The following MTOR variants were observed in gnomAD, a reference collection of about 807,000 sequenced individuals.
MTOR encodes serine/threonine-protein kinase mTOR.
In MTOR, 70 loss-of-function variants were observed where a neutral mutation model predicts 319.8. The observed-to-expected ratio is 0.22, with a 90% CI of 0.18 to 0.27. MTOR has a LOEUF of 0.27. Ranked by LOEUF, MTOR falls within the 10% of genes least tolerant of loss-of-function variation. The probability of loss-of-function intolerance (pLI) is 1.00; values close to 1 mark genes in which losing one functional copy is unlikely to be tolerated. For synonymous variants in MTOR, 1,183 were observed against 1,211.4 expected (o/e 0.98, Z 0.49); for missense variants, 1,890 against 3,274.4 (o/e 0.58, Z 10.32).
At chr1:11,112,251 G>A (rs939012203) in intron 54 of MTOR, among the ~76,000 whole-genome samples, 1 of 152,174 alleles carries the variant, frequency 6.6e-6, no homozygotes, top group Non-Finnish European at 1.5e-5. Flanking sequence ...TATTATCAAT[G>A]CTTGAGGACC....
intron 11 of MTOR, among the ~76,000 whole-genome samples, chr1:11,239,476 C>T (rs1225091027): frequency 1.3e-5 from 2 of 150,492 alleles, no homozygotes; most frequent in African/African-American, 5.0e-5. Context: ...GCTTGTTTCC[C>T]CACATTCTTG....
intron 28 of MTOR, among the ~76,000 whole-genome samples, chr1:11,184,846 T>C (rs1043301987): frequency 6.6e-6 from 1 of 152,230 alleles, no homozygotes; most frequent in African/African-American, 2.4e-5. Flanking sequence ...TTCCTTCCCA[T>C]GTCTACAGAG....
At chr1:11,179,790 C>G (rs1487016723) in intron 28 of MTOR, among the ~76,000 whole-genome samples, 1 of 152,216 alleles carries the variant, frequency 6.6e-6, no homozygotes, top group Non-Finnish European at 1.5e-5. Flanking sequence ...AAGATACAAA[C>G]TGCTTCTGCT....
chr1:11,167,565 TAGG>T lies in MTOR; in HGVS notation c.4254-51_4254-49del, dbSNP rs569506341. ...TAGTTACACTCAACAGGTCTGAGGG[TAGG>T]AGATGTGGGGGTCATTTGTGGGCAG... On this transcript the variant is annotated intron_variant, in intron 28 of 57. Coordinates refer to ENST00000361445, the MANE Select transcript of MTOR (RefSeq NM_004958.4). The T allele has an allele frequency of 2.4e-5, 36 of 1,497,270 alleles. No homozygotes were observed. The South Asian group carries it at 2.5e-4, about 10-fold the overall frequency. The allele number at this position is 1,497,270 out of a possible 1,614,324, so 92.7% of individuals were successfully genotyped here.
intron 13 of MTOR, among the ~76,000 whole-genome samples, chr1:11,235,725 T>C (rs1264456934): frequency 1.3e-5 from 2 of 152,174 alleles, no homozygotes; most frequent in Non-Finnish European, 2.9e-5. Context: ...GGCTCACACC[T>C]GTAATCCCAG....
intron 28 of MTOR, chr1:11,195,201 A>G: frequency 1.4e-6 from 1 of 704,054 alleles, no homozygotes; most frequent in Non-Finnish European, 2.3e-6. Context: ...AGGATGTTAC[A>G]GTAAACAGGA....
intron 15 of MTOR, 53 bp from the exon 16 acceptor site, chr1:11,232,581 A>G (rs1389889526): frequency 6.5e-7 from 1 of 1,534,786 alleles, no homozygotes; most frequent in Non-Finnish European, 9.0e-7. Flanking sequence ...TGGCATTAGA[A>G]AGTATTTTGG....
intron 32 of MTOR, chr1:11,145,274 T>C: frequency 1.8e-6 from 1 of 545,782 alleles, no homozygotes; most frequent in Non-Finnish European, 3.3e-6. Flanking sequence ...TTAACATCTA[T>C]CTAAGGTAAC....
chr1:11,186,082 C>CAAAAAAAAAAAAAAAAAA, intron 28 of MTOR, among the ~76,000 whole-genome samples: 1 of 43,008 alleles, frequency 2.3e-5, no homozygotes, highest in Non-Finnish European at 4.8e-5. Context: ...GACTCCGTCT[C>CAAAAAAAAAAAAAAAAAA]AAAAAAAAAA....
intron 8 of MTOR, among the ~76,000 whole-genome samples, chr1:11,245,528 C>T (rs1557479138): frequency 6.6e-6 from 1 of 152,146 alleles, no homozygotes. Context: ...CAAGGAGATA[C>T]AACCCTAAAA....
chr1:11,236,342 C>A (rs1201399972), intron 13 of MTOR, among the ~76,000 whole-genome samples: 1 of 151,900 alleles, frequency 6.6e-6, no homozygotes, highest in East Asian at 1.9e-4. Flanking sequence ...TGTCATGTTC[C>A]CCAGGCTGGT....
At chr1:11,139,685 A>C in intron 34 of MTOR, 27 bp from the exon 35 acceptor site, 1 of 1,613,920 alleles carries the variant, frequency 6.2e-7, no homozygotes, top group Non-Finnish European at 8.5e-7. Context: ...TGAAGATTAG[A>C]TATGTCTTCT....
At chr1:11,117,145 A>G in intron 49 of MTOR, 59 bp from the exon 50 acceptor site, 2 of 1,327,366 alleles carry the variant, frequency 1.5e-6, no homozygotes, top group South Asian at 2.5e-5. Context: ...CAACATAATT[A>G]TACTCTAATA....
Position 11,168,211 on chromosome 1 carries a change from C to CG in MTOR, c.4254-695_4254-694insC, listed in dbSNP as rs1283668210. On this transcript the variant is annotated intron_variant, in intron 28 of 57. Transcript: ENST00000361445. The stretch of plus-strand genomic sequence containing the variant: ...CACAATCATATGAGACTCCTCTGAA[C>CG]TTTTTTTTTTTTTTTTGAGACCGGG... 2.5e-4 allele frequency among the ~76,000 whole-genome samples: 35 copies of CG among 142,382 alleles called. No homozygotes were observed. In the South Asian group the frequency reaches 5.2e-3, roughly 21 times the overall value. 93.4% of individuals were successfully genotyped at this position (142,382 alleles called of 152,430 possible).
intron 53 of MTOR, 100 bp from the exon 54 acceptor site, chr1:11,113,017 A>C: frequency 7.9e-7 from 1 of 1,259,328 alleles, no homozygotes; most frequent in Non-Finnish European, 1.1e-6. Context: ...TTGTTCGTAA[A>C]GCTATAGCCC....
intron 36 of MTOR, among the ~76,000 whole-genome samples, chr1:11,137,715 T>C (rs1643494696): frequency 6.6e-6 from 1 of 152,146 alleles, no homozygotes; most frequent in Non-Finnish European, 1.5e-5. Flanking sequence ...TCAGTGAAAT[T>C]TTACAGAAGG....
chr1:11,119,753 A>AC (rs1273982497), intron 49 of MTOR, among the ~76,000 whole-genome samples: 4 of 151,498 alleles, frequency 2.6e-5, no homozygotes, highest in African/African-American at 7.3e-5. Context: ...CTCAAAAAAA[A>AC]AAAACAAAAC....
intron 54 of MTOR, chr1:11,111,782 C>T (rs918050162): frequency 1.3e-5 from 2 of 152,224 alleles, no homozygotes; most frequent in Non-Finnish European, 2.9e-5. Flanking sequence ...AGTTTATTAA[C>T]TAGTTGTAAG....
intron 53 of MTOR, 70 bp downstream of exon 53, chr1:11,114,248 G>C (rs1489126524): frequency 6.3e-7 from 1 of 1,583,912 alleles, no homozygotes. Context: ...CTCTGCCTTG[G>C]CCTCCCAAAA....
Sources: gnomAD v4.1 joint callset for allele counts (sites outside exome capture counted in the v4.1 genomes callset) on GRCh38, gnomAD v4.1.1 for gene constraint, MANE v1.5 for transcripts, NCBI Gene and HGNC (gene_info 2026-07-23, HGNC 2026-07-21) for gene names.